COL17A1: variants seen among roughly 807,000 people sequenced by gnomAD.
COL17A1 encodes collagen type XVII alpha 1 chain.
A neutral mutation model predicts 218.4 loss-of-function variants in COL17A1; 181 were observed. That is an observed-to-expected ratio of 0.83 (90% CI 0.73 to 0.94). The LOEUF is 0.94. COL17A1 is among the 40% of genes least tolerant of loss of function. The pLI is 0.00. For missense variants in COL17A1, 1,924 were observed against 1,945.9 expected, an observed-to-expected ratio of 0.99 and a Z score of 0.21; for synonymous variants, 721 against 731.0, an observed-to-expected ratio of 0.99 and a Z score of 0.22.
At chr10:104,033,910 C>A in intron 52 of COL17A1, 35 bp downstream of exon 52, 2 of 1,613,298 alleles carry the variant, frequency 1.2e-6, no homozygotes, top group Non-Finnish European at 1.7e-6. Flanking sequence ...CACGCTCCTT[C>A]CCCCCAGCAC....
chr10:104,074,152 C>A, intron 6 of COL17A1, 32 bp downstream of exon 6: 1 of 1,614,054 alleles, frequency 6.2e-7, no homozygotes, highest in Non-Finnish European at 8.5e-7. Context: ...CCTCGTTTGA[C>A]CATTTCTTTA....
At chr10:104,083,500 A>C (rs555079113) in intron 1 of COL17A1, among the ~76,000 whole-genome samples, 3 of 152,332 alleles carry the variant, frequency 2.0e-5, no homozygotes, top group African/African-American at 7.2e-5. Flanking sequence ...TTTATAGCTA[A>C]TGTTTTTGTG....
Position 104,039,629 on chromosome 10 carries a change from G to A in COL17A1, c.2800C>T (p.Leu934Phe), listed in dbSNP as rs373691510. 2.5e-6 allele frequency: 4 copies of A among 1,614,062 alleles called. No homozygotes were observed. In the African/African-American group the frequency reaches 4.0e-5, roughly 16 times the overall value. Residue 934 changes from leucine to phenylalanine, a missense_variant, in exon 42 of 56, where the codon CTC becomes TTC. Physicochemically the swap from Leu to Phe is conservative, Grantham distance 22. Coordinates refer to ENST00000648076, the MANE Select transcript of COL17A1 (RefSeq NM_000494.4). ...TTACCTGAGGTTGAGAAACCTGGGA[G>A]GCCTTGCTCGCCTGAGGAACACACC... ...GPRGHQGEQGLPGFSTSGSSS... is the reference protein window; with the variant it reads ...GPRGHQGEQGFPGFSTSGSSS...
At position 104,041,130 on chromosome 10, in the gene COL17A1, A is replaced by G; in HGVS notation, c.2648-12T>C. 1.2e-6 allele frequency: 2 copies of G among 1,610,270 alleles called. No individual in the cohort carries two copies. Among genetic ancestry groups the G allele is most frequent in the Non-Finnish European group, 1.7e-6 (2 of 1,178,678 alleles). Reference sequence around the variant, plus strand: ...TGGCAAACCCTCCCCTAGGAAAGAGAACCCCCAAGACTTATTAGTGCCAAG... The same window carrying G: ...TGGCAAACCCTCCCCTAGGAAAGAGGACCCCCAAGACTTATTAGTGCCAAG... On this transcript the variant is annotated splice_polypyrimidine_tract_variant and intron_variant, in intron 38 of 55. Transcript: ENST00000648076.
chr10:104,050,788 T>C (rs1008405795), intron 26 of COL17A1, 60 bp downstream of exon 26: 5 of 1,613,976 alleles, frequency 3.1e-6, no homozygotes, highest in Admixed American at 1.7e-5. Flanking sequence ...TCAGCCTGCA[T>C]AGGCTGTGGG....
In COL17A1 at chr10:104,033,841, G is replaced by C. The variant is rs560539903; in HGVS notation, c.4156+104C>G. The C allele has an allele frequency of 1.3e-5, 20 of 1,550,872 alleles. 1 individual carries two copies. The Admixed American group carries it at 3.1e-4, about 24-fold the overall frequency. On this transcript the variant is annotated intron_variant, in intron 52 of 55. Transcript: ENST00000648076. Reference sequence around the variant, plus strand: ...TGTCCCCTCCAGCCCCTGCCTGCTTGATTCTGTCTTCACAGCCTGGGGGTT... The same window carrying C: ...TGTCCCCTCCAGCCCCTGCCTGCTTCATTCTGTCTTCACAGCCTGGGGGTT...
chr10:104,041,496 CGTGGGCCGG>C lies in COL17A1; in HGVS notation c.2585_2593del (p.Pro862_Pro864del). The C allele has an allele frequency of 6.2e-7, 1 of 1,604,996 alleles. No individual in the cohort carries two copies. Among genetic ancestry groups the C allele is most frequent in the Non-Finnish European group, 8.5e-7 (1 of 1,175,550 alleles). On this transcript the variant is annotated inframe_deletion, in exon 37 of 56. Transcript: ENST00000648076. ...TCCAAGATACTCACCTGGTGGCCCGCGTGGGCCGGGTGGGCCTGGGGGACCTTGTAAATT... is the reference window on the plus strand; with the variant it reads ...TCCAAGATACTCACCTGGTGGCCCGCGTGGGCCTGGGGGACCTTGTAAATT...
chr10:104,035,925 T>C lies in COL17A1; in HGVS notation c.3419-362A>G, dbSNP rs1267339861. Among the ~76,000 whole-genome samples the C allele has an allele frequency of 5.2e-5, 6 of 116,030 alleles. 1 individual carries two copies. The highest frequency in any genetic ancestry group is 1.1e-4 in the Non-Finnish European group (6 of 56,858). The allele number at this position is 116,030 out of a possible 152,430, so 76.1% of individuals were successfully genotyped here. Reference sequence around the variant, plus strand: ...GTGTGTATGGGAGTGTGTATGAGTGTGTGTGTATGGGAGTGTATGGGAGTG... The same window carrying C: ...GTGTGTATGGGAGTGTGTATGAGTGCGTGTGTATGGGAGTGTATGGGAGTG... On this transcript the variant is annotated intron_variant, in intron 48 of 55. Coordinates refer to ENST00000648076, the MANE Select transcript of COL17A1 (RefSeq NM_000494.4).
chr10:104,077,142 T>G (rs548650476), intron 4 of COL17A1, among the ~76,000 whole-genome samples: 2 of 152,266 alleles, frequency 1.3e-5, no homozygotes, highest in African/African-American at 4.8e-5. Flanking sequence ...TGATAGTTAT[T>G]TATATTGTGG....
intron 9 of COL17A1, among the ~76,000 whole-genome samples, chr10:104,068,005 G>A (rs1174893258): frequency 2.0e-5 from 3 of 152,070 alleles, no homozygotes; most frequent in African/African-American, 7.2e-5. Context: ...CATGTAAGAC[G>A]GGAGATGGGG....
intron 4 of COL17A1, among the ~76,000 whole-genome samples, chr10:104,076,926 G>A (rs1337390983): frequency 6.6e-6 from 1 of 152,178 alleles, no homozygotes; most frequent in Non-Finnish European, 1.5e-5. Context: ...CAATGGGCCT[G>A]TGTTGGATGC....
At chr10:104,032,323 C>T (rs777629337) in intron 55 of COL17A1, 33 bp from the exon 56 acceptor site, 1 of 1,594,116 alleles carries the variant, frequency 6.3e-7, no homozygotes, top group South Asian at 1.1e-5. Context: ...GAAGTTAAAA[C>T]ATATCTTGTG....
chr10:104,052,057 A>C, intron 24 of COL17A1, 98 bp downstream of exon 24: 1 of 1,531,216 alleles, frequency 6.5e-7, no homozygotes, highest in Non-Finnish European at 9.0e-7. Flanking sequence ...GCAGGGGGTT[A>C]GGGCTGTCTG....
chr10:104,032,448 A>ACAC (rs1294786126), intron 55 of COL17A1, among the ~76,000 whole-genome samples, 158 bp from the exon 56 acceptor site: 1 of 152,164 alleles, frequency 6.6e-6, no homozygotes, highest in Non-Finnish European at 1.5e-5. Flanking sequence ...CCCCATTTCA[A>ACAC]CACCAGCTTG....
rs1844687303 is a variant in COL17A1 at position 104,031,833 on chromosome 10, A to G, written c.*402T>C. 1.1e-5 allele frequency: 3 copies of G among 283,620 alleles called. No individual in the cohort carries two copies. Among genetic ancestry groups the G allele is most frequent in the Non-Finnish European group, 2.0e-5 (3 of 146,794 alleles). The allele number at this position is 283,620 out of a possible 1,614,324, so 17.6% of individuals were successfully genotyped here. A position where few individuals can be genotyped will look rare whatever the true frequency, so the allele number is the denominator to read the frequency against. Reference sequence around the variant, plus strand: ...CACACCCCCATCAAGTGTCACCTCCAGGAAGGCGCCCCACCCCCATCCTCC... The same window carrying G: ...CACACCCCCATCAAGTGTCACCTCCGGGAAGGCGCCCCACCCCCATCCTCC... On this transcript the variant is annotated 3_prime_UTR_variant, in exon 56 of 56. Coordinates refer to ENST00000648076, the MANE Select transcript of COL17A1 (RefSeq NM_000494.4).
At chr10:104,053,181 AGCTAACG>A in intron 22 of COL17A1, 46 bp from the exon 23 acceptor site, 1 of 1,601,348 alleles carries the variant, frequency 6.2e-7, no homozygotes. Context: ...CCCGTACCCC[AGCTAACG>A]GCTCCACAGG....
At chr10:104,044,218 G>T (rs2086387883) in intron 33 of COL17A1, among the ~76,000 whole-genome samples, 1 of 152,160 alleles carries the variant, frequency 6.6e-6, no homozygotes, top group Admixed American at 6.5e-5. Context: ...TTACTCAAAG[G>T]TCAAAGGACA....
In COL17A1 at chr10:104,043,552, G is replaced by A. The variant is rs745641364; in HGVS notation, c.2464C>T (p.Pro822Ser). 6.2e-7 allele frequency: 1 copy of A among 1,613,844 alleles called. No homozygotes were observed. Among genetic ancestry groups the A allele is most frequent in the Non-Finnish European group, 8.5e-7 (1 of 1,179,986 alleles). Reference sequence around the variant, plus strand: ...CCCATGGCTCCAGGAGGTCCTGGGGGGCCTGGGACAGTGAGCATCGATGAC... The same window carrying A: ...CCCATGGCTCCAGGAGGTCCTGGGGAGCCTGGGACAGTGAGCATCGATGAC... ...EGSSMLTVPGPPGPPGAMGPP... is the reference protein window; with the variant it reads ...EGSSMLTVPGSPGPPGAMGPP... Residue 822 changes from proline to serine, a missense_variant, in exon 35 of 56, where the codon CCC becomes TCC. Physicochemically the swap from Pro to Ser is moderately conservative, Grantham distance 74 (BLOSUM62 -1). Transcript: ENST00000648076.
chr10:104,040,327 G>T (rs766890377), intron 40 of COL17A1, 24 bp downstream of exon 40: 2 of 1,563,838 alleles, frequency 1.3e-6, no homozygotes, highest in Non-Finnish European at 8.8e-7. Flanking sequence ...CTGGCTTCTG[G>T]GTTCCCTGAT....
Sources: allele counts gnomAD v4.1 joint callset (sites outside exome capture counted in the v4.1 genomes callset), GRCh38; gene constraint gnomAD v4.1.1; transcripts MANE v1.5; gene names NCBI Gene and HGNC (gene_info 2026-07-23, HGNC 2026-07-21).